The following AASDH variants were observed in gnomAD, a reference collection of about 807,000 sequenced individuals.
AASDH encodes beta-alanine-activating enzyme.
AASDH carries 81 observed loss-of-function variants against 102.3 expected under a neutral mutation model. That is an observed-to-expected ratio of 0.79 (90% CI 0.66 to 0.95). The LOEUF is 0.95. Ranked by LOEUF, AASDH falls within the 40% of genes least tolerant of loss-of-function variation. AASDH has a pLI of 0.00. For missense variants in AASDH, 1,203 were observed against 1,266.2 expected, an observed-to-expected ratio of 0.95 and a Z score of 0.76; for synonymous variants, 398 against 454.0, an observed-to-expected ratio of 0.88 and a Z score of 1.57.
In AASDH at chr4:56,359,344, C is replaced by CTG. The variant is rs372045461; in HGVS notation, c.862-3922_862-3921insCA. Among the ~76,000 whole-genome samples the CTG allele has an allele frequency of 2.6e-5, 4 of 152,036 alleles. No individual in the cohort carries two copies. In the East Asian group the frequency reaches 5.8e-4, roughly 22 times the overall value. Reference sequence around the variant, plus strand: ...ACATCCGCCTCCTGCCTCCTGCCTCCCGCCTCCCGAGTTCAAGTGATTCTC... The same window carrying CTG: ...ACATCCGCCTCCTGCCTCCTGCCTCCTGCGCCTCCCGAGTTCAAGTGATTCTC... On this transcript the variant is annotated intron_variant, in intron 5 of 14. Coordinates refer to ENST00000205214, the MANE Select transcript of AASDH (RefSeq NM_181806.4).
rs758175410 is a variant in AASDH at position 56,338,398 on chromosome 4, T to TTGA, written c.*1_*3dup. On this transcript the variant is annotated 3_prime_UTR_variant, in exon 15 of 15. Transcript: ENST00000205214. ...TTTGTTATACAAATAAGGACTGTAT[T>TTGA]TGATTATTTTTGATTGCCACCCAAT... The TTGA allele has an allele frequency of 1.1e-5, 17 of 1,611,950 alleles. No individual in the cohort carries two copies. The highest frequency in any genetic ancestry group is 8.4e-5 in the Admixed American group (5 of 59,866).
chr4:56,342,187 T>C (rs1396888955), intron 14 of AASDH, among the ~76,000 whole-genome samples: 2 of 149,576 alleles, frequency 1.3e-5, no homozygotes, highest in Non-Finnish European at 3.0e-5. Flanking sequence ...AGTTAATAGG[T>C]AAAAACATAT....
Position 56,382,442 on chromosome 4 carries a change from T to C in AASDH, c.351+35A>G. 1.3e-6 allele frequency: 2 copies of C among 1,500,008 alleles called. 1 individual carries two copies. The highest frequency in any genetic ancestry group is 2.4e-5 in the South Asian group (2 of 83,034). The allele number at this position is 1,500,008 out of a possible 1,614,324, so 92.9% of individuals were successfully genotyped here. A position where few individuals can be genotyped will look rare whatever the true frequency, so the allele number is the denominator to read the frequency against. On this transcript the variant is annotated intron_variant, in intron 3 of 14. Coordinates refer to ENST00000205214, the MANE Select transcript of AASDH (RefSeq NM_181806.4). ...AATGTTTCAATTGAAATAAATGTAA[T>C]ACAGGCAAAAAACAATTGAAACATC...
intron 11 of AASDH, 44 bp from the exon 12 acceptor site, chr4:56,345,334 C>A: frequency 3.2e-6 from 5 of 1,560,430 alleles, no homozygotes; most frequent in Non-Finnish European, 3.5e-6. Context: ...AGATATATTA[C>A]TGGAAAATAA....
At position 56,371,587 on chromosome 4, in the gene AASDH, A is replaced by G; in HGVS notation, c.725T>C (p.Phe242Ser). The change falls in exon 5 of 15, where the codon TTC becomes TCC. Residue 242 changes from phenylalanine to serine, a missense_variant. Coordinates refer to ENST00000205214, the MANE Select transcript of AASDH (RefSeq NM_181806.4). ...AAATATTTCCACAACAGAAGGATCG[A>G]AGGTCAGAGGTGAAGCCAGAAACAA... is the stretch of plus-strand genomic sequence containing the variant. ...DVLFLASPLT[F>S]DPSVVEIFLA... 3.1e-6 allele frequency: 5 copies of G among 1,613,322 alleles called. No individual in the cohort carries two copies. Among genetic ancestry groups the G allele is most frequent in the Non-Finnish European group, 4.2e-6 (5 of 1,179,900 alleles).
In AASDH at chr4:56,349,457, T is replaced by C; in HGVS notation, c.2294A>G (p.Lys765Arg). 1 of 1,614,202 alleles carries C rather than the reference T, an allele frequency of 6.2e-7. No homozygotes were observed. Among genetic ancestry groups the C allele is most frequent in the Non-Finnish European group, 8.5e-7 (1 of 1,180,042 alleles). Residue 765 changes from lysine to arginine, a missense_variant, in exon 11 of 15, where the codon AAA (lysine) becomes AGA (arginine). Coordinates refer to ENST00000205214, the MANE Select transcript of AASDH (RefSeq NM_181806.4). Reference protein sequence around the residue: ...LHVRWRSDTGKCVDASPLVVI... With the variant: ...LHVRWRSDTGRCVDASPLVVI... ...AACCAGCGGTGAAGCATCTACACAT[T>C]TGCCTGTGTCTGACCTCCACCTCAC...
chr4:56,339,141 T>A lies in AASDH; in HGVS notation c.2908-350A>T, dbSNP rs573627359. ...TTGAGTTTTCAATATTATCTTTTTTTAATTTTTATTTATTATTATTATTTT... is the reference window on the plus strand; with the variant it reads ...TTGAGTTTTCAATATTATCTTTTTTAAATTTTTATTTATTATTATTATTTT... On this transcript the variant is annotated intron_variant, in intron 14 of 14. Coordinates refer to ENST00000205214, the MANE Select transcript of AASDH (RefSeq NM_181806.4). 1.5e-4 allele frequency among the ~76,000 whole-genome samples: 22 copies of A among 151,246 alleles called. No individual in the cohort carries two copies. In the East Asian group the frequency reaches 2.1e-3, roughly 15 times the overall value.
At chr4:56,349,234 C>A (rs368098947) in intron 11 of AASDH, 29 bp downstream of exon 11, 1 of 1,600,924 alleles carries the variant, frequency 6.2e-7, no homozygotes, top group South Asian at 1.1e-5. Flanking sequence ...TTCAATTTAA[C>A]TCCACAAACC....
intron 14 of AASDH, among the ~76,000 whole-genome samples, chr4:56,342,267 A>T (rs533176463): frequency 1.3e-5 from 2 of 152,326 alleles, no homozygotes; most frequent in East Asian, 3.9e-4. Context: ...AATATGTTGT[A>T]TATTTCAGAA....
intron 1 of AASDH, among the ~76,000 whole-genome samples, chr4:56,384,750 A>T (rs1753359689): frequency 6.6e-6 from 1 of 152,230 alleles, no homozygotes; most frequent in Non-Finnish European, 1.5e-5. Context: ...GTTAAGATAG[A>T]GTAGTCAAAA....
intron 11 of AASDH, 165 bp downstream of exon 11, chr4:56,349,098 T>G (rs1748663697): frequency 1.4e-6 from 1 of 733,356 alleles, no homozygotes. Flanking sequence ...CCAGGGACTC[T>G]TGACCCCAAG....
At chr4:56,383,284 GT>G (rs1449127849) in intron 2 of AASDH, among the ~76,000 whole-genome samples, 2 of 151,952 alleles carry the variant, frequency 1.3e-5, no homozygotes, top group East Asian at 3.9e-4. Flanking sequence ...TTTTGTTGTT[GT>G]TTTTATTTGT....
Position 56,384,308 on chromosome 4 carries a change from A to C in AASDH, c.-9T>G, listed in dbSNP as rs1485542663. ...AATTCCTGAAGAGTCATTTCACTGA[A>C]GTTTATCTAAACATCAATTTGTAGC... is the stretch of plus-strand genomic sequence containing the variant. On this transcript the variant is annotated 5_prime_UTR_variant, in exon 2 of 15. Coordinates refer to ENST00000205214, the MANE Select transcript of AASDH (RefSeq NM_181806.4). 1.2e-6 allele frequency: 2 copies of C among 1,608,232 alleles called. No individual in the cohort carries two copies. The highest frequency in any genetic ancestry group is 2.7e-5 in the African/African-American group (2 of 74,832).
intron 5 of AASDH, among the ~76,000 whole-genome samples, chr4:56,361,327 T>G (rs560451549): frequency 1.7e-4 from 26 of 152,200 alleles, no homozygotes; most frequent in Non-Finnish European, 2.1e-4. Flanking sequence ...GAGAATCACT[T>G]GAACCCAGGA....
At chr4:56,382,425 A>G (rs12645138) in intron 3 of AASDH, 52 bp downstream of exon 3, 152,466 of 1,455,248 alleles carry the variant, frequency 0.1, 9,328 homozygotes, top group Admixed American at 0.26. Context: ...GGAATGTTTC[A>G]ATTGAAATAA....
intron 14 of AASDH, among the ~76,000 whole-genome samples, chr4:56,339,367 G>A (rs1049363292): frequency 3.3e-5 from 5 of 151,862 alleles, no homozygotes; most frequent in African/African-American, 9.7e-5. Flanking sequence ...GGATGGTCTC[G>A]ATCTCCTGAC....
At position 56,378,190 on chromosome 4, in the gene AASDH, C is replaced by T. The variant is rs1752567306; in HGVS notation, c.626G>A (p.Arg209Lys). The change falls in exon 4 of 15, where the codon AGA becomes AAA. Residue 209 changes from arginine to lysine, a missense_variant. By Grantham distance (26) the Arg-to-Lys change is conservative. Transcript: ENST00000205214. ...TGGTACTATACACTTATGAGGCACT[C>T]TGACAATCTTCGGTATCCCTGTAGT... ...SGTTGIPKIV[R>K]VPHKCIVPNI... is the part of the protein sequence containing the mutation. The T allele has an allele frequency of 6.2e-7, 1 of 1,613,198 alleles. No homozygotes were observed. The highest frequency in any genetic ancestry group is 8.5e-7 in the Non-Finnish European group (1 of 1,179,706).
In AASDH at chr4:56,387,412, A is replaced by T. The variant is rs905797986; in HGVS notation, c.-93T>A. On this transcript the variant is annotated 5_prime_UTR_variant, in exon 1 of 15. Coordinates refer to ENST00000205214, the MANE Select transcript of AASDH (RefSeq NM_181806.4). Reference sequence around the variant, plus strand: ...GATCGCATTCGGCCCTTTCCCGGATAGCTCGTCGCGGATACTTCTCACAGC... The same window carrying T: ...GATCGCATTCGGCCCTTTCCCGGATTGCTCGTCGCGGATACTTCTCACAGC... The T allele has an allele frequency of 3.9e-5, 6 of 152,274 alleles. No individual in the cohort carries two copies. The highest frequency in any genetic ancestry group is 7.3e-5 in the Non-Finnish European group (5 of 68,086). 9.4% of individuals were successfully genotyped at this position (152,274 alleles called of 1,614,324 possible).
At chr4:56,363,536 C>T (rs1314908678) in intron 5 of AASDH, among the ~76,000 whole-genome samples, 1 of 152,206 alleles carries the variant, frequency 6.6e-6, no homozygotes, top group East Asian at 1.9e-4. Flanking sequence ...TCCAGAAGAA[C>T]GATCAGGCAG....
Sources: allele counts gnomAD v4.1 joint callset (sites outside exome capture counted in the v4.1 genomes callset), GRCh38; gene constraint gnomAD v4.1.1; transcripts MANE v1.5; gene names NCBI Gene and HGNC (gene_info 2026-07-23, HGNC 2026-07-21).